Variants in CLINT1 observed in about 807,000 individuals in gnomAD.
CLINT1 encodes the protein clathrin interactor 1, also known as clathrin interacting protein localized in the trans-Golgi region.
Under a neutral mutation model 70.4 loss-of-function variants are expected in CLINT1, and 15 were observed. The ratio of observed to expected loss-of-function variants is 0.21; its 90% CI spans 0.14 to 0.33. The LOEUF is 0.33. Ranked by LOEUF, CLINT1 falls within the 10% of genes least tolerant of loss-of-function variation. CLINT1 has a pLI of 1.00. For synonymous variants in CLINT1, 227 were observed against 254.7 expected, an observed-to-expected ratio of 0.89 and a Z score of 1.04; for missense variants, 615 against 778.1, an observed-to-expected ratio of 0.79 and a Z score of 2.49.
chr5:157,803,160 G>A (rs1762279629), intron 8 of CLINT1, among the ~76,000 whole-genome samples: 1 of 152,196 alleles, frequency 6.6e-6, no homozygotes, highest in African/African-American at 2.4e-5. Context: ...TGCTTATAAA[G>A]AAAGTAAAGG....
At chr5:157,809,055 T>C (rs934477816) in intron 6 of CLINT1, 2 of 152,128 alleles carry the variant, frequency 1.3e-5, no homozygotes, top group African/African-American at 2.4e-5. Flanking sequence ...TCAATACTAA[T>C]TGCAAGTAGT....
At chr5:157,830,613 C>T (rs1375132874) in intron 1 of CLINT1, among the ~76,000 whole-genome samples, 1 of 151,768 alleles carries the variant, frequency 6.6e-6, no homozygotes, top group African/African-American at 2.4e-5. Context: ...AGATGGTTCA[C>T]GGCTGTAATC....
chr5:157,788,021 T>C, intron 11 of CLINT1, 29 bp from the exon 12 acceptor site: 1 of 1,534,610 alleles, frequency 6.5e-7, no homozygotes, highest in Non-Finnish European at 8.9e-7. Context: ...CAGAAGAACT[T>C]TACCACAATA....
intron 1 of CLINT1, among the ~76,000 whole-genome samples, chr5:157,830,796 C>CTCTCTCTCTA (rs1300619885): frequency 9.7e-4 from 83 of 85,704 alleles, no homozygotes; most frequent in Non-Finnish European, 1.3e-3. Flanking sequence ...CTCTCTCTCT[C>CTCTCTCTCTA]TATATATATA....
intron 9 of CLINT1, 75 bp downstream of exon 9, chr5:157,794,823 C>T (rs1015078174): frequency 9.6e-7 from 1 of 1,045,866 alleles, no homozygotes; most frequent in Non-Finnish European, 1.4e-6. Flanking sequence ...AAGAAGCTGA[C>T]TTGGGGGGAA....
chr5:157,830,992 C>CA (rs1047462228), intron 1 of CLINT1, among the ~76,000 whole-genome samples: 11 of 151,448 alleles, frequency 7.3e-5, no homozygotes, highest in African/African-American at 2.7e-4. Flanking sequence ...TGCAGTGAGA[C>CA]ATGATAGTGC....
At chr5:157,833,698 T>C (rs922208435) in intron 1 of CLINT1, among the ~76,000 whole-genome samples, 42 of 152,292 alleles carry the variant, frequency 2.8e-4, no homozygotes, top group African/African-American at 1.0e-3. Context: ...ATCCCAGCAC[T>C]TTGGGAGGCT....
intron 1 of CLINT1, among the ~76,000 whole-genome samples, chr5:157,830,712 C>T (rs1239009435): frequency 6.6e-6 from 1 of 151,128 alleles, no homozygotes; most frequent in East Asian, 1.9e-4. Flanking sequence ...CTTGTCTCTA[C>T]ACACACACTC....
chr5:157,830,760 CTCT>C (rs1763204059), intron 1 of CLINT1, among the ~76,000 whole-genome samples: 9 of 53,780 alleles, frequency 1.7e-4, no homozygotes, highest in Admixed American at 4.5e-4. Context: ...CTCTCTCCCT[CTCT>C]CTCTCTCTCT....
intron 1 of CLINT1, among the ~76,000 whole-genome samples, chr5:157,838,371 C>A (rs1411482179): frequency 1.3e-5 from 2 of 152,196 alleles, no homozygotes; most frequent in African/African-American, 4.8e-5. Flanking sequence ...GATCCACCTG[C>A]CTCGGCCTCC....
At chr5:157,806,229 C>T (rs912668720) in intron 6 of CLINT1, 117 bp from the exon 7 acceptor site, 14 of 1,000,502 alleles carry the variant, frequency 1.4e-5, no homozygotes, top group Admixed American at 7.8e-5. Context: ...CATACTTTGA[C>T]TACTTGACAG....
In CLINT1 at chr5:157,839,720, A is replaced by AATCTACCT. The variant is rs1554102222; in HGVS notation, c.41+19209_41+19210insAGGTAGAT. Among the ~76,000 whole-genome samples, 583 of 148,516 alleles carry AATCTACCT rather than the reference A, an allele frequency of 3.9e-3. 4 individuals are homozygous for AATCTACCT. Among genetic ancestry groups the AATCTACCT allele is most frequent in the Non-Finnish European group, 6.4e-3 (432 of 67,156 alleles). On this transcript the variant is annotated intron_variant, in intron 1 of 11. Transcript: ENST00000411809. ...CTAGAAATCTCCTAATTACAACAAA[A>AATCTACCT]ATCTATCTATCTATCTATCTATCTA... is the stretch of plus-strand genomic sequence containing the variant.
At chr5:157,835,687 T>C (rs2113281781) in intron 1 of CLINT1, among the ~76,000 whole-genome samples, 1 of 152,192 alleles carries the variant, frequency 6.6e-6, no homozygotes, top group African/African-American at 2.4e-5. Context: ...GACCAAGATA[T>C]GAACAAGGGA....
intron 8 of CLINT1, 116 bp from the exon 9 acceptor site, chr5:157,795,088 AC>A (rs1370988570): frequency 1.3e-6 from 1 of 758,946 alleles, no homozygotes; most frequent in Non-Finnish European, 2.2e-6. Flanking sequence ...CAGATGCCTC[AC>A]AAAAGCTAAA....
intron 1 of CLINT1, among the ~76,000 whole-genome samples, chr5:157,822,299 G>A (rs139990898): frequency 2.0e-4 from 30 of 151,768 alleles, no homozygotes; most frequent in Middle Eastern, 3.4e-3. Context: ...TGCTGCAACC[G>A]TTAACTCGTC....
In CLINT1 at chr5:157,830,091, G is replaced by A. The variant is rs527364620; in HGVS notation, c.42-12544C>T. ...AGCCTTCCAAGTAGCTGGGACTACA[G>A]ATGCATGCCACCACGCCAGTTAGTT... On this transcript the variant is annotated intron_variant, in intron 1 of 11. Transcript: ENST00000411809. Among the ~76,000 whole-genome samples, 12 of 152,018 alleles carry A rather than the reference G, an allele frequency of 7.9e-5. 1 individual carries two copies. In the East Asian group the frequency reaches 2.3e-3, roughly 30 times the overall value.
rs1753859046 is a variant in CLINT1, at chr5:157,859,045, C to G, written c.-75G>C. On this transcript the variant is annotated 5_prime_UTR_variant, in exon 1 of 12. Coordinates refer to ENST00000411809, the MANE Select transcript of CLINT1 (RefSeq NM_014666.4). ...ACCCCGGAACACTTCCGTACCGGGG[C>G]AGTTCCAGGCCGGGGTCACCGCCGC... 3 of 1,550,418 alleles carry G rather than the reference C, an allele frequency of 1.9e-6. No individual in the cohort carries two copies. The highest frequency in any genetic ancestry group is 2.6e-6 in the Non-Finnish European group (3 of 1,136,604).
chr5:157,811,546 AAAAG>A (rs1179990993), intron 5 of CLINT1, among the ~76,000 whole-genome samples: 1 of 150,934 alleles, frequency 6.6e-6, no homozygotes, highest in African/African-American at 2.4e-5. Context: ...AAAAAAAAAG[AAAAG>A]AAAAAGAAAA....
In CLINT1 at chr5:157,787,113, A is replaced by G. The variant is rs970995253; in HGVS notation, c.*533T>C. 1 of 153,874 alleles carries G rather than the reference A, an allele frequency of 6.5e-6. No individual in the cohort carries two copies. The highest frequency in any genetic ancestry group is 2.4e-5 in the African/African-American group (1 of 41,452). 9.5% of individuals were successfully genotyped at this position (153,874 alleles called of 1,614,324 possible). On this transcript the variant is annotated 3_prime_UTR_variant, in exon 12 of 12. Transcript: ENST00000411809. The stretch of plus-strand genomic sequence containing the variant: ...TATACATTCCAGTTACCTTTGATTT[A>G]GCCATAATCACATATGTATGCTTTT...
Sources: gnomAD v4.1 joint callset for allele counts (sites outside exome capture counted in the v4.1 genomes callset) on GRCh38, gnomAD v4.1.1 for gene constraint, MANE v1.5 for transcripts, NCBI Gene and HGNC (gene_info 2026-07-23, HGNC 2026-07-21) for gene names.